FHL5: variants seen among roughly 807,000 people sequenced by gnomAD.
FHL5 encodes four and a half LIM domains protein 5.
Under a neutral mutation model 32.0 loss-of-function variants are expected in FHL5, and 33 were observed. That is an observed-to-expected ratio of 1.03 (90% confidence interval 0.78 to 1.38). The LOEUF (loss-of-function observed/expected upper bound fraction) is 1.38. FHL5 is among the 40% of genes most tolerant of loss of function. The probability of loss-of-function intolerance (pLI) is 0.00; values close to 1 mark genes in which losing one functional copy is unlikely to be tolerated. For missense variants in FHL5, 336 were observed against 343.9 expected (o/e 0.98, Z 0.18); for synonymous variants, 114 against 113.6 (o/e 1.00, Z -0.02).
At chr6:96,607,786 C>A (rs931026726) in intron 4 of FHL5, among the ~76,000 whole-genome samples, 6 of 151,564 alleles carry the variant, frequency 4.0e-5, no homozygotes, top group Non-Finnish European at 5.9e-5. Flanking sequence ...AGTTCAAGAC[C>A]AGCCTGGGCA....
chr6:96,566,612 T>C (rs114396335), intron 1 of FHL5, among the ~76,000 whole-genome samples: 4,366 of 152,066 alleles, frequency 0.029, 184 homozygotes, highest in African/African-American at 0.1. Flanking sequence ...TATGCATATA[T>C]TCCAAATAAC....
At chr6:96,582,755 G>A (rs1184696558) in intron 1 of FHL5, among the ~76,000 whole-genome samples, 1 of 151,972 alleles carries the variant, frequency 6.6e-6, no homozygotes, top group Non-Finnish European at 1.5e-5. Flanking sequence ...GCTTGTTTTA[G>A]GTTATTTTTG....
intron 1 of FHL5, among the ~76,000 whole-genome samples, chr6:96,593,886 T>C (rs974281155): frequency 5.3e-5 from 8 of 152,066 alleles, no homozygotes; most frequent in African/African-American, 1.9e-4. Flanking sequence ...AGCAGCCTCA[T>C]GGTTTGAATT....
intron 1 of FHL5, among the ~76,000 whole-genome samples, chr6:96,564,703 C>T (rs932136255): frequency 6.6e-6 from 1 of 151,998 alleles, no homozygotes; most frequent in Non-Finnish European, 1.5e-5. Flanking sequence ...TTTTTTCAAT[C>T]GAGGGAACAT....
chr6:96,601,639 C>T (rs776705640), intron 1 of FHL5, among the ~76,000 whole-genome samples: 1 of 152,170 alleles, frequency 6.6e-6, no homozygotes, highest in Admixed American at 6.5e-5. Context: ...ACTGCAGTTC[C>T]TAACCCCTGA....
chr6:96,578,193 TCTC>T (rs1237836504), intron 1 of FHL5, among the ~76,000 whole-genome samples: 2 of 152,126 alleles, frequency 1.3e-5, no homozygotes, highest in African/African-American at 4.8e-5. Flanking sequence ...TTCCTACAAT[TCTC>T]CTCTCTGCTC....
intron 4 of FHL5, among the ~76,000 whole-genome samples, chr6:96,606,915 T>A (rs1429399013): frequency 2.0e-5 from 3 of 151,780 alleles, no homozygotes; most frequent in Admixed American, 2.0e-4. Context: ...CTCAAGAGAG[T>A]GCCAAGATCA....
intron 1 of FHL5, among the ~76,000 whole-genome samples, chr6:96,591,034 A>G (rs889035455): frequency 2.0e-5 from 3 of 152,050 alleles, no homozygotes; most frequent in Non-Finnish European, 4.4e-5. Context: ...TTATGGACCT[A>G]TAGTTTTCCT....
chr6:96,607,863 G>A (rs1487908654), intron 4 of FHL5, among the ~76,000 whole-genome samples: 1 of 151,820 alleles, frequency 6.6e-6, no homozygotes, highest in Non-Finnish European at 1.5e-5. Flanking sequence ...ATGGTGACAC[G>A]TGCCTGTAGT....
intron 1 of FHL5, among the ~76,000 whole-genome samples, chr6:96,595,044 G>T (rs1771007813): frequency 6.6e-6 from 1 of 151,672 alleles, no homozygotes; most frequent in Non-Finnish European, 1.5e-5. Flanking sequence ...GTTAGTCGAG[G>T]TCTTTGCTCC....
rs148184114 is a variant in FHL5 at position 96,575,403 on chromosome 6, C to T, written c.-13+12048C>T. ...GTTAATGCGGGAGTAGAAAACAAAA[C>T]GTGCATGAGAGACCAAGCCCTTCCC... On this transcript the variant is annotated intron_variant, in intron 1 of 5. Coordinates refer to ENST00000450218, the MANE Select transcript of FHL5 (RefSeq NM_001322466.2). 2.3e-4 allele frequency among the ~76,000 whole-genome samples: 35 copies of T among 152,236 alleles called. No individual in the cohort carries two copies. The East Asian group carries it at 4.8e-3, about 21-fold the overall frequency.
chr6:96,575,882 C>T (rs1486210949), intron 1 of FHL5, among the ~76,000 whole-genome samples: 1 of 152,140 alleles, frequency 6.6e-6, no homozygotes, highest in Non-Finnish European at 1.5e-5. Context: ...AAAAAGAAAA[C>T]AGTGGGCCAA....
At chr6:96,607,764 C>A (rs778030547) in intron 4 of FHL5, among the ~76,000 whole-genome samples, 6 of 151,914 alleles carry the variant, frequency 3.9e-5, no homozygotes, top group Non-Finnish European at 7.4e-5. Context: ...GGGAAGATTG[C>A]CTGAGGCCAG....
At chr6:96,586,853 G>A (rs1443141209) in intron 1 of FHL5, among the ~76,000 whole-genome samples, 1 of 152,192 alleles carries the variant, frequency 6.6e-6, no homozygotes, top group African/African-American at 2.4e-5. Flanking sequence ...GCACAGATCA[G>A]CTGCAGACAA....
At chr6:96,592,922 G>T (rs2127967767) in intron 1 of FHL5, among the ~76,000 whole-genome samples, 1 of 152,138 alleles carries the variant, frequency 6.6e-6, no homozygotes, top group East Asian at 1.9e-4. Context: ...TTTAAAATTT[G>T]GGGCATGTAT....
rs1019829459 is a variant in FHL5, at chr6:96,607,138, C to T, written c.504+1067C>T. Among the ~76,000 whole-genome samples the T allele has an allele frequency of 2.0e-5, 3 of 152,036 alleles. No homozygotes were observed. In the South Asian group the frequency reaches 6.2e-4, roughly 31 times the overall value. The stretch of plus-strand genomic sequence containing the variant: ...TTATGTGAAAAAGTAGCTCTAACAC[C>T]TTGATGAAGCCTGTCTGCATTCCAT... On this transcript the variant is annotated intron_variant, in intron 4 of 5. Coordinates refer to ENST00000450218, the MANE Select transcript of FHL5 (RefSeq NM_001322466.2).
At chr6:96,566,068 C>G (rs1228211879) in intron 1 of FHL5, among the ~76,000 whole-genome samples, 1 of 151,954 alleles carries the variant, frequency 6.6e-6, no homozygotes, top group Non-Finnish European at 1.5e-5. Context: ...TATAGTTACC[C>G]TATAGTGCTA....
chr6:96,576,785 G>C (rs1330430524), intron 1 of FHL5, among the ~76,000 whole-genome samples: 12 of 152,208 alleles, frequency 7.9e-5, no homozygotes, highest in African/African-American at 2.9e-4. Context: ...GGACAAGAAA[G>C]GTCTCTGCTC....
At chr6:96,582,958 C>T (rs1243139282) in intron 1 of FHL5, among the ~76,000 whole-genome samples, 1 of 152,104 alleles carries the variant, frequency 6.6e-6, no homozygotes, top group African/African-American at 2.4e-5. Context: ...TCCATTCTTA[C>T]ATCTCACTTG....
Sources: allele counts gnomAD v4.1 joint callset (sites outside exome capture counted in the v4.1 genomes callset), GRCh38; gene constraint gnomAD v4.1.1; transcripts MANE v1.5; gene names NCBI Gene and HGNC (gene_info 2026-07-23, HGNC 2026-07-21).